The following ELMO1 variants were observed in gnomAD, a reference collection of about 807,000 sequenced individuals.
ELMO1 encodes engulfment and cell motility protein 1.
A neutral mutation model predicts 98.9 loss-of-function variants in ELMO1; 26 were observed. The ratio of observed to expected loss-of-function variants is 0.26; its 90% CI spans 0.19 to 0.36. The LOEUF is 0.36. Ranked by LOEUF, ELMO1 falls within the 10% of genes least tolerant of loss-of-function variation. The probability of loss-of-function intolerance (pLI) is 1.00; values close to 1 mark genes in which losing one functional copy is unlikely to be tolerated. For missense variants in ELMO1, 627 were observed against 935.2 expected (o/e 0.67, Z 4.30); for synonymous variants, 346 against 346.0 (o/e 1.00, Z 0.00).
At chr7:37,061,707 C>T (rs974958126) in intron 15 of ELMO1, among the ~76,000 whole-genome samples, 3 of 152,100 alleles carry the variant, frequency 2.0e-5, no homozygotes, top group Non-Finnish European at 4.4e-5. Context: ...TTATAACGAG[C>T]ATGGATTATT....
At chr7:37,233,767 T>C (rs1409282195) in intron 7 of ELMO1, among the ~76,000 whole-genome samples, 4 of 152,222 alleles carry the variant, frequency 2.6e-5, no homozygotes, top group African/African-American at 9.6e-5. Context: ...GACACACAGA[T>C]ACAAACATGT....
chr7:37,155,195 T>C (rs1203896204), intron 13 of ELMO1, among the ~76,000 whole-genome samples: 1 of 152,202 alleles, frequency 6.6e-6, no homozygotes, highest in Non-Finnish European at 1.5e-5. Flanking sequence ...TATGAGCCAC[T>C]GCTAAAACAT....
At chr7:37,207,340 C>G (rs1792691709) in intron 13 of ELMO1, among the ~76,000 whole-genome samples, 1 of 152,156 alleles carries the variant, frequency 6.6e-6, no homozygotes, top group Admixed American at 6.5e-5. Context: ...CACCTGAGAT[C>G]AGAAGTTCGA....
Position 37,314,918 on chromosome 7 carries a change from A to C in ELMO1, c.124T>G (p.Ser42Ala). Residue 42 changes from serine to alanine, a missense_variant, in exon 4 of 22, where the codon TCT becomes GCT. Physicochemically the swap from Ser to Ala is moderately conservative, Grantham distance 99 (BLOSUM62 1). Coordinates refer to ENST00000310758, the MANE Select transcript of ELMO1 (RefSeq NM_014800.11). ...GCAAAATATTCATGGTTGGCAAGAGACCACCTTAAAAATACAAGCGTATAC... is the reference window on the plus strand; with the variant it reads ...GCAAAATATTCATGGTTGGCAAGAGCCCACCTTAAAAATACAAGCGTATAC... ...AIIKEVCDGW[S>A]LANHEYFALQ... The C allele has an allele frequency of 6.2e-7, 1 of 1,613,646 alleles. No individual in the cohort carries two copies. Among genetic ancestry groups the C allele is most frequent in the Non-Finnish European group, 8.5e-7 (1 of 1,179,848 alleles).
rs147911134 is a variant in ELMO1 at position 37,155,988 on chromosome 7, T to C, written c.1087-22754A>G. ...CAACAGACTGTCTCTCACACCACAG[T>C]GCCATCAAATTAGAACTCAGGATTA... On this transcript the variant is annotated intron_variant, in intron 13 of 21. Coordinates refer to ENST00000310758, the MANE Select transcript of ELMO1 (RefSeq NM_014800.11). Among the ~76,000 whole-genome samples the C allele has an allele frequency of 1.4e-3, 218 of 152,290 alleles. 1 individual carries two copies. Among genetic ancestry groups the C allele is most frequent in the Non-Finnish European group, 2.3e-3 (159 of 68,026 alleles).
At chr7:37,360,039 A>T (rs1038344766) in intron 1 of ELMO1, among the ~76,000 whole-genome samples, 10 of 152,190 alleles carry the variant, frequency 6.6e-5, no homozygotes, top group Non-Finnish European at 2.9e-5. Flanking sequence ...GGCTCGGATC[A>T]TAATTTCCGT....
At chr7:37,136,595 C>G (rs1169722143) in intron 13 of ELMO1, among the ~76,000 whole-genome samples, 3 of 152,100 alleles carry the variant, frequency 2.0e-5, no homozygotes, top group Non-Finnish European at 4.4e-5. Flanking sequence ...AAACAATTAT[C>G]GGCCAAGAAT....
intron 16 of ELMO1, among the ~76,000 whole-genome samples, chr7:36,978,456 G>T (rs1790771874): frequency 6.6e-6 from 1 of 152,040 alleles, no homozygotes; most frequent in African/African-American, 2.4e-5. Flanking sequence ...AGTGCAGGGG[G>T]TGTGGAGAAG....
At chr7:36,943,589 A>T (rs535524758) in intron 16 of ELMO1, among the ~76,000 whole-genome samples, 1 of 152,346 alleles carries the variant, frequency 6.6e-6, no homozygotes, top group African/African-American at 2.4e-5. Context: ...AACCATGTAC[A>T]ACTGCTACGT....
At chr7:37,439,936 T>C (rs961771799) in intron 1 of ELMO1, among the ~76,000 whole-genome samples, 6 of 152,194 alleles carry the variant, frequency 3.9e-5, no homozygotes, top group Non-Finnish European at 5.9e-5. Context: ...GCTGATATAA[T>C]TGTTTCTTTG....
intron 16 of ELMO1, among the ~76,000 whole-genome samples, chr7:36,901,607 G>A (rs1303214644): frequency 6.6e-6 from 1 of 152,212 alleles, no homozygotes; most frequent in Non-Finnish European, 1.5e-5. Context: ...TGGCTTTATA[G>A]TTAGGCAGAA....
chr7:37,228,854 TGGTGGTGG>T (rs1031842208), intron 8 of ELMO1, among the ~76,000 whole-genome samples: 5 of 151,798 alleles, frequency 3.3e-5, no homozygotes, highest in African/African-American at 1.2e-4. Flanking sequence ...TAGCCAGGCG[TGGTGGTGG>T]GCTCCTGTAG....
chr7:37,115,630 T>C (rs182664610), intron 14 of ELMO1, among the ~76,000 whole-genome samples: 8 of 152,110 alleles, frequency 5.3e-5, no homozygotes, highest in Non-Finnish European at 1.0e-4. Context: ...ATAAAACTTA[T>C]GGCTAACATC....
chr7:37,432,025 G>T (rs1804953263), intron 1 of ELMO1, among the ~76,000 whole-genome samples: 1 of 152,144 alleles, frequency 6.6e-6, no homozygotes, highest in African/African-American at 2.4e-5. Context: ...GGGATTACAG[G>T]CATATGCCAC....
At chr7:37,202,791 G>GA (rs1053907564) in intron 13 of ELMO1, among the ~76,000 whole-genome samples, 6 of 151,992 alleles carry the variant, frequency 3.9e-5, no homozygotes, top group Admixed American at 3.9e-4. Flanking sequence ...CATAGTGCAG[G>GA]AAAAAAATGA....
At chr7:36,923,818 C>T (rs1042993052) in intron 16 of ELMO1, among the ~76,000 whole-genome samples, 14 of 152,006 alleles carry the variant, frequency 9.2e-5, no homozygotes, top group African/African-American at 2.9e-4. Context: ...AGATAGGTCA[C>T]GAATGATAAG....
rs552565638 is a variant in ELMO1 at position 37,255,439 on chromosome 7, A to G, written c.413+3742T>C. ...AAAGTTTCTGTTGTTTATGCCACTC[A>G]GTCTGTGGTATTTTGTTATGGCAGC... On this transcript the variant is annotated intron_variant, in intron 6 of 21. Coordinates refer to ENST00000310758, the MANE Select transcript of ELMO1 (RefSeq NM_014800.11). Among the ~76,000 whole-genome samples, 9 of 152,310 alleles carry G rather than the reference A, an allele frequency of 5.9e-5. No homozygotes were observed. In the South Asian group the frequency reaches 1.9e-3, roughly 32 times the overall value.
At chr7:37,183,411 A>G (rs1791004497) in intron 13 of ELMO1, among the ~76,000 whole-genome samples, 1 of 152,200 alleles carries the variant, frequency 6.6e-6, no homozygotes. Flanking sequence ...GGATGTGACA[A>G]TGAGGAGGAA....
At chr7:37,238,750 T>C (rs1794605546) in intron 7 of ELMO1, among the ~76,000 whole-genome samples, 1 of 152,190 alleles carries the variant, frequency 6.6e-6, no homozygotes, top group Admixed American at 6.5e-5. Context: ...TTTTTATTAT[T>C]AATATACATT....
Sources: allele counts gnomAD v4.1 joint callset (sites outside exome capture counted in the v4.1 genomes callset), GRCh38; gene constraint gnomAD v4.1.1; transcripts MANE v1.5; gene names NCBI Gene and HGNC (gene_info 2026-07-23, HGNC 2026-07-21).